TESK2: variants seen among roughly 807,000 people sequenced by gnomAD.
TESK2 encodes testis associated actin remodelling kinase 2, also known as dual specificity testis-specific protein kinase 2.
In TESK2, 39 loss-of-function variants were observed where a neutral mutation model predicts 57.1. That is an observed-to-expected ratio of 0.68 (90% confidence interval 0.53 to 0.89). The LOEUF (loss-of-function observed/expected upper bound fraction) is 0.89, where lower values mean the gene tolerates loss of function less well. Ranked by LOEUF, TESK2 falls within the 40% of genes least tolerant of loss-of-function variation. The pLI is 0.00. For synonymous variants in TESK2, 249 were observed against 267.9 expected, an observed-to-expected ratio of 0.93 and a Z score of 0.69; for missense variants, 646 against 732.1, an observed-to-expected ratio of 0.88 and a Z score of 1.36.
intron 4 of TESK2, among the ~76,000 whole-genome samples, chr1:45,385,710 G>GTGTGTATATA (rs947905047): frequency 7.4e-6 from 1 of 135,284 alleles, no homozygotes; most frequent in African/African-American, 3.0e-5. Context: ...GTGTGTGTGT[G>GTGTGTATATA]TATATATATA....
intron 1 of TESK2, among the ~76,000 whole-genome samples, chr1:45,484,000 T>TAA (rs35727304): frequency 1.9e-3 from 270 of 144,332 alleles, no homozygotes; most frequent in Middle Eastern, 0.011. Flanking sequence ...GATTCTGTCT[T>TAA]AAAAAAAAAA....
intron 9 of TESK2, among the ~76,000 whole-genome samples, chr1:45,346,461 G>C (rs1236923953): frequency 6.6e-6 from 1 of 152,212 alleles, no homozygotes; most frequent in Non-Finnish European, 1.5e-5. Flanking sequence ...GGAGTGATGG[G>C]TCTACCCTAC....
intron 4 of TESK2, among the ~76,000 whole-genome samples, chr1:45,384,592 A>ATTTTTTTT (rs1450118997): frequency 2.8e-5 from 2 of 70,562 alleles, no homozygotes; most frequent in Non-Finnish European, 5.7e-5. Flanking sequence ...GCTAATTATT[A>ATTTTTTTT]ATTTTTTTTT....
chr1:45,397,411 G>A (rs1424777571), intron 3 of TESK2, among the ~76,000 whole-genome samples: 2 of 152,178 alleles, frequency 1.3e-5, no homozygotes, highest in South Asian at 4.2e-4. Context: ...ATAAAGATGA[G>A]CAAGACACAA....
intron 4 of TESK2, among the ~76,000 whole-genome samples, chr1:45,381,232 C>T (rs539920543): frequency 4.1e-4 from 63 of 152,194 alleles, no homozygotes; most frequent in Non-Finnish European, 6.5e-4. Context: ...TACTTATGAT[C>T]TGCTGACTGG....
At chr1:45,405,255 A>C (rs140387944) in intron 3 of TESK2, among the ~76,000 whole-genome samples, 61 of 152,228 alleles carry the variant, frequency 4.0e-4, no homozygotes, top group Non-Finnish European at 6.6e-4. Flanking sequence ...TGCCAAGTTG[A>C]TATCTCCTGA....
intron 1 of TESK2, among the ~76,000 whole-genome samples, chr1:45,477,654 A>G (rs903283562): frequency 9.1e-5 from 9 of 98,640 alleles, no homozygotes; most frequent in African/African-American, 2.9e-4. Context: ...ATTTTAACCA[A>G]ATTTCAGACT....
intron 1 of TESK2, among the ~76,000 whole-genome samples, chr1:45,483,460 T>C (rs550183019): frequency 2.6e-5 from 4 of 151,944 alleles, no homozygotes; most frequent in African/African-American, 9.7e-5. Flanking sequence ...TAGTTGGGCA[T>C]GGTGGCGCAC....
intron 3 of TESK2, among the ~76,000 whole-genome samples, chr1:45,414,559 A>G (rs1282474618): frequency 6.6e-6 from 1 of 152,204 alleles, no homozygotes; most frequent in African/African-American, 2.4e-5. Flanking sequence ...CCTAAGCAAT[A>G]GGATCAAAAG....
chr1:45,477,283 A>C (rs1653038258), intron 1 of TESK2, among the ~76,000 whole-genome samples: 1 of 152,032 alleles, frequency 6.6e-6, no homozygotes, highest in South Asian at 2.1e-4. Context: ...ATAGTCATTA[A>C]ACTGAATTCA....
At chr1:45,389,821 T>C (rs1649064506) in intron 3 of TESK2, among the ~76,000 whole-genome samples, 1 of 152,238 alleles carries the variant, frequency 6.6e-6, no homozygotes, top group Non-Finnish European at 1.5e-5. Flanking sequence ...GTATACTGTG[T>C]AGCAATGCCT....
intron 4 of TESK2, among the ~76,000 whole-genome samples, chr1:45,375,266 C>G (rs1648355465): frequency 6.6e-6 from 1 of 152,068 alleles, no homozygotes; most frequent in Non-Finnish European, 1.5e-5. Context: ...CTCTCTGACC[C>G]CATCTACTAC....
At chr1:45,426,643 AAAGTG>A (rs1167993109) in intron 2 of TESK2, among the ~76,000 whole-genome samples, 1 of 152,224 alleles carries the variant, frequency 6.6e-6, no homozygotes, top group Admixed American at 6.5e-5. Context: ...CAAATGAAAC[AAAGTG>A]AAGAGTCAAT....
At chr1:45,398,530 G>C (rs1380423533) in intron 3 of TESK2, among the ~76,000 whole-genome samples, 1 of 152,224 alleles carries the variant, frequency 6.6e-6, no homozygotes, top group South Asian at 2.1e-4. Flanking sequence ...CTGGGTGACA[G>C]AGCAAGCCTC....
intron 4 of TESK2, among the ~76,000 whole-genome samples, chr1:45,356,618 TA>T (rs57535694): frequency 0.082 from 10,606 of 129,624 alleles, 1,269 homozygotes; most frequent in African/African-American, 0.27. Flanking sequence ...GACCCTGTCT[TA>T]AAAAAAAAAA....
chr1:45,347,423 G>T (rs1647160765), intron 7 of TESK2, among the ~76,000 whole-genome samples, 186 bp downstream of exon 7: 1 of 152,142 alleles, frequency 6.6e-6, no homozygotes, highest in Non-Finnish European at 1.5e-5. Context: ...AAAATTAGCT[G>T]GGCGTGGTGG....
At chr1:45,421,640 C>T in intron 3 of TESK2, 85 bp downstream of exon 3, 1 of 1,557,244 alleles carries the variant, frequency 6.4e-7, no homozygotes, top group Non-Finnish European at 8.7e-7. Context: ...TCCTGAATCC[C>T]TCCTTTTTTT....
chr1:45,400,496 C>T (rs1009012168), intron 3 of TESK2, among the ~76,000 whole-genome samples: 1 of 152,132 alleles, frequency 6.6e-6, no homozygotes, highest in Non-Finnish European at 1.5e-5. Context: ...AGGTACATAA[C>T]ACAAAAAATT....
intron 5 of TESK2, among the ~76,000 whole-genome samples, chr1:45,349,486 G>A (rs1389301469): frequency 6.6e-6 from 1 of 152,194 alleles, no homozygotes; most frequent in Non-Finnish European, 1.5e-5. Flanking sequence ...CAGCCTGTGA[G>A]GCAGTGGCAG....
Sources: gnomAD v4.1 joint callset for allele counts (sites outside exome capture counted in the v4.1 genomes callset) on GRCh38, gnomAD v4.1.1 for gene constraint, MANE v1.5 for transcripts, NCBI Gene and HGNC (gene_info 2026-07-23, HGNC 2026-07-21) for gene names.